BECN1: variants seen among roughly 807,000 people sequenced by gnomAD.
The protein encoded by BECN1 is beclin 1, also known as beclin-1.
Under a neutral mutation model 60.1 loss-of-function variants are expected in BECN1, and 15 were observed. The ratio of observed to expected loss-of-function variants is 0.25; its 90% CI spans 0.17 to 0.38. The LOEUF (loss-of-function observed/expected upper bound fraction) is 0.38. BECN1 is among the 10% of genes least tolerant of loss of function. BECN1 has a pLI of 1.00. For synonymous variants in BECN1, 179 were observed against 201.8 expected, an observed-to-expected ratio of 0.89 and a Z score of 0.96; for missense variants, 424 against 548.2, an observed-to-expected ratio of 0.77 and a Z score of 2.26.
At chr17:42,814,755 A>G in intron 8 of BECN1, 82 bp from the exon 9 acceptor site, 1 of 1,540,268 alleles carries the variant, frequency 6.5e-7, no homozygotes, top group Non-Finnish European at 8.8e-7. Context: ...CCCCAAACCT[A>G]GCTTAAATCT....
At chr17:42,818,128 C>T in intron 7 of BECN1, 93 bp downstream of exon 7, 1 of 1,342,334 alleles carries the variant, frequency 7.4e-7, no homozygotes, top group South Asian at 1.4e-5. Context: ...TGACAGCTGA[C>T]TAGTTTACAA....
rs751223754 is a variant in BECN1, at chr17:42,824,195, C to A, written c.-43G>T. The A allele has an allele frequency of 7.2e-6, 3 of 419,380 alleles. No individual in the cohort carries two copies. Among genetic ancestry groups the A allele is most frequent in the African/African-American group, 2.0e-5 (1 of 49,172 alleles). The allele number at this position is 419,380 out of a possible 1,614,324, so 26.0% of individuals were successfully genotyped here. On this transcript the variant is annotated 5_prime_UTR_variant, in exon 1 of 12. Coordinates refer to ENST00000590099, the MANE Select transcript of BECN1 (RefSeq NM_001313998.2). Reference sequence around the variant, plus strand: ...CCCGTCACCCAAGTCCGGTCTACCGCGGAGGCACTGTGGCCTCGGGTCGGC... The same window carrying A: ...CCCGTCACCCAAGTCCGGTCTACCGAGGAGGCACTGTGGCCTCGGGTCGGC...
chr17:42,815,476 T>G (rs955836767), intron 8 of BECN1, among the ~76,000 whole-genome samples: 2 of 152,194 alleles, frequency 1.3e-5, no homozygotes, highest in Non-Finnish European at 2.9e-5. Context: ...ATCATCACAC[T>G]GCATTACAAC....
chr17:42,819,503 C>T (rs2055216267), intron 4 of BECN1, 45 bp downstream of exon 4: 1 of 1,596,900 alleles, frequency 6.3e-7, no homozygotes, highest in Non-Finnish European at 8.6e-7. Flanking sequence ...AATTAAAATT[C>T]TACTAGCCTT....
At position 42,810,796 on chromosome 17, in the gene BECN1, AC is replaced by A. The variant is rs2054981358; in HGVS notation, c.1316del (p.Gly439ValfsTer17). On this transcript the variant is annotated frameshift_variant, in exon 12 of 12. Coordinates refer to ENST00000590099, the MANE Select transcript of BECN1 (RefSeq NM_001313998.2). LOFTEE classifies it high-confidence loss of function. ...AAAATTGTGAGGACACCCAAGCAAG[AC>A]CCCACTTAAGATTCGTCAGCATGAA... ...LKFMLTNLKW[G>X]LAWVSSQFYN... 1 of 1,613,252 alleles carries A rather than the reference AC, an allele frequency of 6.2e-7. No individual in the cohort carries two copies. Among genetic ancestry groups the A allele is most frequent in the Admixed American group, 1.7e-5 (1 of 59,900 alleles).
intron 4 of BECN1, 133 bp from the exon 5 acceptor site, chr17:42,819,010 C>A: frequency 3.3e-6 from 3 of 918,812 alleles, no homozygotes; most frequent in East Asian, 2.6e-5. Flanking sequence ...CCTAGCCCGA[C>A]TGACCTCCCA....
intron 3 of BECN1, chr17:42,820,383 G>A (rs1055458538): frequency 1.0e-5 from 2 of 190,620 alleles, no homozygotes; most frequent in East Asian, 2.4e-4. Context: ...TCCTAACCAG[G>A]ATGCTTTTGA....
At chr17:42,823,676 A>G (rs2055321982) in intron 2 of BECN1, 72 bp downstream of exon 2, 4 of 1,561,442 alleles carry the variant, frequency 2.6e-6, no homozygotes, top group Middle Eastern at 1.7e-4. Flanking sequence ...CACAGCCACC[A>G]TAAGAATTAT....
Position 42,810,654 on chromosome 17 carries a change from T to C in BECN1, c.*106A>G. The C allele has an allele frequency of 8.1e-7, 1 of 1,228,158 alleles. No individual in the cohort carries two copies. The highest frequency in any genetic ancestry group is 1.1e-6 in the Non-Finnish European group (1 of 907,602). 76.1% of individuals were successfully genotyped at this position (1,228,158 alleles called of 1,614,324 possible). A position where few individuals can be genotyped will look rare whatever the true frequency, so the allele number is the denominator to read the frequency against. ...TTTGTGGATTTTTTCTTTTTTGGTA[T>C]TGTAAACATGTACTGTTTAATATTA... On this transcript the variant is annotated 3_prime_UTR_variant, in exon 12 of 12. Coordinates refer to ENST00000590099, the MANE Select transcript of BECN1 (RefSeq NM_001313998.2).
chr17:42,811,081 C>A, intron 11 of BECN1, 153 bp from the exon 12 acceptor site: 1 of 758,108 alleles, frequency 1.3e-6, no homozygotes, highest in Non-Finnish European at 2.0e-6. Context: ...GCTTGAAAGC[C>A]AAAAATCAAG....
Position 42,811,734 on chromosome 17 carries a change from T to C in BECN1, c.1105A>G (p.Met369Val), listed in dbSNP as rs1463833173. The change falls in exon 11 of 12, where the codon ATG (methionine) becomes GTG (valine). Residue 369 changes from methionine (M) to valine (V), a missense_variant. This residue lies in a region of BECN1 where 326 missense variants were observed against 406.2 expected (regional missense o/e 0.80). Coordinates refer to ENST00000590099, the MANE Select transcript of BECN1 (RefSeq NM_001313998.2). ...TGCACACAGTCCAGGAAAGCCACCA[T>C]TGCATGGTCAAACTTGTTGTCCCAG... ...FFWDNKFDHA[M>V]VAFLDCVQQF... The C allele has an allele frequency of 3.2e-5, 52 of 1,614,046 alleles. No homozygotes were observed. Among genetic ancestry groups the C allele is most frequent in the Non-Finnish European group, 4.2e-5 (50 of 1,180,028 alleles).
Position 42,818,426 on chromosome 17 carries a change from C to T in BECN1, c.489-11G>A, listed in dbSNP as rs2055190313. On this transcript the variant is annotated splice_polypyrimidine_tract_variant and intron_variant, in intron 6 of 11. Coordinates refer to ENST00000590099, the MANE Select transcript of BECN1 (RefSeq NM_001313998.2). ...ATCTCCAAACAGCGTCTGCCAAAGA[C>T]ACAGGCAGACTATACTTACTAGAGC... The T allele has an allele frequency of 6.2e-7, 1 of 1,613,804 alleles. No individual in the cohort carries two copies. The highest frequency in any genetic ancestry group is 1.3e-5 in the African/African-American group (1 of 74,888).
chr17:42,823,473 C>G (rs929676340), intron 2 of BECN1, among the ~76,000 whole-genome samples: 3 of 152,108 alleles, frequency 2.0e-5, no homozygotes, highest in Admixed American at 6.5e-5. Context: ...AGGCTGGTCT[C>G]GAACTCCTGA....
At chr17:42,818,494 G>A (rs373887194) in intron 6 of BECN1, 50 bp downstream of exon 6, 2 of 1,612,942 alleles carry the variant, frequency 1.2e-6, no homozygotes, top group Non-Finnish European at 1.7e-6. Flanking sequence ...TAAGGGCCAA[G>A]CAGTCTCAGA....
At position 42,811,660 on chromosome 17, in the gene BECN1, G is replaced by A; in HGVS notation, c.1179C>T (p.Pro393=). The A allele has an allele frequency of 6.2e-7, 1 of 1,613,912 alleles. No individual in the cohort carries two copies. The highest frequency in any genetic ancestry group is 2.2e-5 in the East Asian group (1 of 44,882). Residue 393 remains proline (P), a synonymous_variant, in exon 11 of 12, where the codon CCC becomes CCT. Coordinates refer to ENST00000590099, the MANE Select transcript of BECN1 (RefSeq NM_001313998.2). ...CAGCATTGCGCTATACTGACCTGTAGGGAAGACAAAAACGTGTCTCGCCTT... is the reference window on the plus strand; with the variant it reads ...CAGCATTGCGCTATACTGACCTGTAAGGAAGACAAAAACGTGTCTCGCCTT... ...VEKGETRFCL[P]YRMDVEKGKI... is the part of the protein sequence containing the mutation.
intron 11 of BECN1, chr17:42,811,454 T>C: frequency 1.9e-6 from 1 of 529,606 alleles, no homozygotes; most frequent in Non-Finnish European, 3.1e-6. Flanking sequence ...TAAGGCAACA[T>C]TCTTCTACTC....
In BECN1 at chr17:42,822,611, A is replaced by G. The variant is rs922443812; in HGVS notation, c.130+1137T>C. On this transcript the variant is annotated intron_variant, in intron 2 of 11. Transcript: ENST00000590099. ...GAGACAGGGTCTTACTGTGTTGCCCAGGCTGGTCTCAAACTCCTGCTCAAG... is the reference window on the plus strand; with the variant it reads ...GAGACAGGGTCTTACTGTGTTGCCCGGGCTGGTCTCAAACTCCTGCTCAAG... 5.3e-5 allele frequency among the ~76,000 whole-genome samples: 8 copies of G among 152,132 alleles called. No homozygotes were observed. The East Asian group carries it at 1.3e-3, about 26-fold the overall frequency.
chr17:42,811,997 C>G, intron 10 of BECN1, 200 bp from the exon 11 acceptor site: 1 of 575,648 alleles, frequency 1.7e-6, no homozygotes, highest in Non-Finnish European at 2.9e-6. Flanking sequence ...AACTGTTTCA[C>G]TATCAATGAA....
intron 4 of BECN1, chr17:42,819,164 G>A (rs990822915): frequency 8.2e-6 from 4 of 486,376 alleles, no homozygotes; most frequent in Non-Finnish European, 1.4e-5. Context: ...AACCAGGAAA[G>A]GCCATTTTAG....
Sources: allele counts gnomAD v4.1 joint callset (sites outside exome capture counted in the v4.1 genomes callset), GRCh38; gene constraint gnomAD v4.1.1; regional missense constraint gnomAD v4.1.1; transcripts MANE v1.5; gene names NCBI Gene and HGNC (gene_info 2026-07-23, HGNC 2026-07-21).